Variants in AKAP6 observed in about 807,000 individuals in gnomAD.
The protein encoded by AKAP6 is A-kinase anchoring protein 6, also known as A-kinase anchor protein 6.
AKAP6 carries 58 observed loss-of-function variants against 188.5 expected under a neutral mutation model. That is an observed-to-expected ratio of 0.31 (90% CI 0.25 to 0.38). The LOEUF (loss-of-function observed/expected upper bound fraction) is 0.38, where lower values mean the gene tolerates loss of function less well. Ranked by LOEUF, AKAP6 falls within the 10% of genes least tolerant of loss-of-function variation. AKAP6 has a pLI of 1.00. For missense variants in AKAP6, 2,710 were observed against 2,740.0 expected (o/e 0.99, Z 0.24); for synonymous variants, 989 against 998.6 (o/e 0.99, Z 0.18).
chr14:32,578,251 T>G (rs1043991586), intron 5 of AKAP6, among the ~76,000 whole-genome samples: 1 of 152,140 alleles, frequency 6.6e-6, no homozygotes, highest in Non-Finnish European at 1.5e-5. Flanking sequence ...AGAGATAATG[T>G]TTCAGGTTTT....
intron 9 of AKAP6, among the ~76,000 whole-genome samples, chr14:32,706,917 C>G (rs907503730): frequency 1.3e-5 from 2 of 152,094 alleles, no homozygotes; most frequent in Admixed American, 1.3e-4. Context: ...AACCACAGAG[C>G]TCTAGCCTTT....
intron 7 of AKAP6, among the ~76,000 whole-genome samples, chr14:32,624,967 C>T (rs1411354343): frequency 6.6e-6 from 1 of 151,770 alleles, no homozygotes; most frequent in Non-Finnish European, 1.5e-5. Flanking sequence ...ACAGATAATT[C>T]CTAGTGATTT....
At chr14:32,786,296 A>ATGGTTTTTTTTTTTTTTTTTTTTTTT in intron 12 of AKAP6, among the ~76,000 whole-genome samples, 2 of 93,706 alleles carry the variant, frequency 2.1e-5, no homozygotes, top group African/African-American at 8.2e-5. Context: ...CTAAACCTTT[A>ATGGTTTTTTTTTTTTTTTTTTTTTTT]TCTTTTTTTT....
At chr14:32,498,767 G>A (rs1880455624) in intron 2 of AKAP6, among the ~76,000 whole-genome samples, 1 of 152,052 alleles carries the variant, frequency 6.6e-6, no homozygotes. Flanking sequence ...AAGTGGGCGG[G>A]AGGGTGTAAG....
intron 1 of AKAP6, among the ~76,000 whole-genome samples, chr14:32,343,092 A>G (rs1165301141): frequency 6.6e-6 from 1 of 152,054 alleles, no homozygotes; most frequent in Non-Finnish European, 1.5e-5. Flanking sequence ...GGCAGATAGG[A>G]TGTTGGTAAG....
At chr14:32,592,362 A>G (rs1262969332) in intron 5 of AKAP6, among the ~76,000 whole-genome samples, 1 of 152,196 alleles carries the variant, frequency 6.6e-6, no homozygotes, top group Non-Finnish European at 1.5e-5. Flanking sequence ...ATGGGTGCCA[A>G]GGGTGGGGAA....
chr14:32,365,314 A>G (rs1465856946), intron 1 of AKAP6, among the ~76,000 whole-genome samples: 1 of 152,202 alleles, frequency 6.6e-6, no homozygotes, highest in Non-Finnish European at 1.5e-5. Context: ...AGTCTTCTGT[A>G]GCCTAGAATG....
At chr14:32,403,447 T>C (rs764196487) in intron 1 of AKAP6, 7 of 152,224 alleles carry the variant, frequency 4.6e-5, no homozygotes. Context: ...TTAGACTGAT[T>C]GTATTTTTTA....
chr14:32,392,945 T>C (rs1330171606), intron 1 of AKAP6, among the ~76,000 whole-genome samples: 1 of 152,098 alleles, frequency 6.6e-6, no homozygotes. Context: ...AATCACCATT[T>C]ATTATTTTTT....
chr14:32,363,686 G>A (rs1226655288), intron 1 of AKAP6, among the ~76,000 whole-genome samples: 2 of 152,206 alleles, frequency 1.3e-5, no homozygotes, highest in Non-Finnish European at 2.9e-5. Context: ...AGCCATGCTG[G>A]CAGCTGATTA....
chr14:32,385,500 C>T (rs1054125468), intron 1 of AKAP6, among the ~76,000 whole-genome samples: 3 of 150,500 alleles, frequency 2.0e-5, no homozygotes, highest in Non-Finnish European at 4.4e-5. Context: ...GATTTTGTTG[C>T]ACCCATCACC....
chr14:32,663,815 G>A (rs1888805232), intron 7 of AKAP6, among the ~76,000 whole-genome samples: 3 of 152,104 alleles, frequency 2.0e-5, no homozygotes. Context: ...GGTTGAGGCT[G>A]AGGTCAGATC....
At chr14:32,377,283 A>T (rs1566472409) in intron 1 of AKAP6, among the ~76,000 whole-genome samples, 1 of 152,204 alleles carries the variant, frequency 6.6e-6, no homozygotes, top group Non-Finnish European at 1.5e-5. Context: ...CAGCAGTTCC[A>T]CTAGTTTCAT....
chr14:32,765,666 T>C (rs1376496035), intron 11 of AKAP6, among the ~76,000 whole-genome samples: 1 of 150,708 alleles, frequency 6.6e-6, no homozygotes, highest in Non-Finnish European at 1.5e-5. Flanking sequence ...GTATGTATAA[T>C]GTAGTAATGA....
chr14:32,456,015 C>T (rs571541815), intron 2 of AKAP6, among the ~76,000 whole-genome samples: 1 of 151,324 alleles, frequency 6.6e-6, no homozygotes, highest in African/African-American at 2.4e-5. Flanking sequence ...TTTTTAAGAG[C>T]TGAAGATTTT....
intron 6 of AKAP6, among the ~76,000 whole-genome samples, chr14:32,599,736 G>A (rs1008168983): frequency 6.6e-6 from 1 of 152,090 alleles, no homozygotes; most frequent in African/African-American, 2.4e-5. Flanking sequence ...TTGGGCTGCC[G>A]TTTGCCTGAG....
intron 1 of AKAP6, among the ~76,000 whole-genome samples, chr14:32,361,053 C>CATATATATATATGTATATATATATAT: frequency 8.9e-6 from 1 of 111,946 alleles, no homozygotes; most frequent in South Asian, 3.3e-4. Flanking sequence ...AAGGCCTGAA[C>CATATATATATATGTATATATATATAT]ATACATATAT....
intron 2 of AKAP6, among the ~76,000 whole-genome samples, chr14:32,443,393 A>G (rs1209198572): frequency 1.1e-4 from 13 of 114,694 alleles, no homozygotes; most frequent in Admixed American, 9.9e-4. Context: ...ACTCCATCTC[A>G]AAACAAAACA....
chr14:32,621,263 C>T (rs1886806222), intron 7 of AKAP6, among the ~76,000 whole-genome samples: 1 of 151,864 alleles, frequency 6.6e-6, no homozygotes, highest in Admixed American at 6.6e-5. Context: ...TGAGGTGTGG[C>T]AATAAACTGT....
Sources: gnomAD v4.1 joint callset for allele counts (sites outside exome capture counted in the v4.1 genomes callset) on GRCh38, gnomAD v4.1.1 for gene constraint, MANE v1.5 for transcripts, NCBI Gene and HGNC (gene_info 2026-07-23, HGNC 2026-07-21) for gene names.